TTC28: variants seen among roughly 807,000 people sequenced by gnomAD.
The protein encoded by TTC28 is tetratricopeptide repeat domain 28.
TTC28 carries 61 observed loss-of-function variants against 198.0 expected under a neutral mutation model. The observed-to-expected ratio is 0.31, with a 90% CI of 0.25 to 0.38. The LOEUF (loss-of-function observed/expected upper bound fraction) is 0.38, where lower values mean the gene tolerates loss of function less well. Among genes scored for constraint, TTC28 ranks in the 10% least tolerant of loss-of-function variants. The pLI is 1.00. For missense variants in TTC28, 2,678 were observed against 3,164.0 expected, an observed-to-expected ratio of 0.85 and a Z score of 3.69; for synonymous variants, 1,171 against 1,297.8, an observed-to-expected ratio of 0.90 and a Z score of 2.10.
chr22:28,088,263 T>C (rs1941689839), intron 12 of TTC28, among the ~76,000 whole-genome samples: 1 of 152,110 alleles, frequency 6.6e-6, no homozygotes, highest in African/African-American at 2.4e-5. Context: ...CTTCCAACTA[T>C]ACTACAAGGC....
chr22:28,340,612 C>T (rs192995762), intron 2 of TTC28, among the ~76,000 whole-genome samples: 1 of 152,206 alleles, frequency 6.6e-6, no homozygotes, highest in East Asian at 1.9e-4. Context: ...CAGGCTATTT[C>T]TTTCCATGTG....
chr22:27,996,018 C>T lies in TTC28; in HGVS notation c.5244+117G>A, dbSNP rs548650712. ...CCGGTCAGTGCCATCCTGGACACGGCCCCAATCACGGTGTCCTCTCCAACT... is the reference window on the plus strand; with the variant it reads ...CCGGTCAGTGCCATCCTGGACACGGTCCCAATCACGGTGTCCTCTCCAACT... On this transcript the variant is annotated intron_variant, in intron 17 of 22. Coordinates refer to ENST00000397906, the MANE Select transcript of TTC28 (RefSeq NM_001145418.2). 75 of 1,418,036 alleles carry T rather than the reference C, an allele frequency of 5.3e-5. 3 individuals are homozygous for T. The South Asian group carries it at 9.9e-4, about 19-fold the overall frequency. 87.8% of individuals were successfully genotyped at this position (1,418,036 alleles called of 1,614,324 possible).
chr22:28,049,124 A>C (rs1010657558), intron 12 of TTC28, among the ~76,000 whole-genome samples: 13 of 152,190 alleles, frequency 8.5e-5, no homozygotes, highest in Non-Finnish European at 1.9e-4. Flanking sequence ...AAGGGCTAGC[A>C]TCAGGCCTTG....
intron 2 of TTC28, among the ~76,000 whole-genome samples, chr22:28,420,871 G>A (rs2047242570): frequency 1.3e-5 from 2 of 152,114 alleles, no homozygotes; most frequent in Admixed American, 1.3e-4. Context: ...AAAGTGCTGC[G>A]ATTACAGGTG....
In TTC28 at chr22:28,069,063, G is replaced by A. The variant is rs189744530; in HGVS notation, c.3932+25017C>T. Among the ~76,000 whole-genome samples the A allele has an allele frequency of 9.3e-4, 141 of 152,264 alleles. 1 individual carries two copies. The highest frequency in any genetic ancestry group is 3.2e-3 in the African/African-American group (134 of 41,554). ...AGACCAAAAGGAAGTTTCCAGAAGA[G>A]GAGGACAAAAGTCTACCAAAACCTC... On this transcript the variant is annotated intron_variant, in intron 12 of 22. Transcript: ENST00000397906.
chr22:28,376,364 T>C (rs1169066940), intron 2 of TTC28, among the ~76,000 whole-genome samples: 1 of 152,212 alleles, frequency 6.6e-6, no homozygotes, highest in Non-Finnish European at 1.5e-5. Context: ...GCTTTGTGTG[T>C]ATTATCTTAT....
chr22:28,319,280 T>C lies in TTC28; in HGVS notation c.382-12637A>G, dbSNP rs572717928. ...GCATGTTCTTTTCTGGAGACTCTTATTACTCACTAGCAATTGAAGCAACTG... is the reference window on the plus strand; with the variant it reads ...GCATGTTCTTTTCTGGAGACTCTTACTACTCACTAGCAATTGAAGCAACTG... On this transcript the variant is annotated intron_variant, in intron 2 of 22. Transcript: ENST00000397906. 7.4e-4 allele frequency among the ~76,000 whole-genome samples: 112 copies of C among 152,298 alleles called. 1 individual carries two copies. Among genetic ancestry groups the C allele is most frequent in the Admixed American group, 1.2e-3 (19 of 15,292 alleles).
At chr22:28,502,348 A>G (rs1390350418) in intron 2 of TTC28, among the ~76,000 whole-genome samples, 2 of 152,136 alleles carry the variant, frequency 1.3e-5, no homozygotes, top group Non-Finnish European at 2.9e-5. Context: ...AAGAAATTAT[A>G]AAAGAAAATG....
chr22:28,566,536 T>C (rs1022445280), intron 2 of TTC28, among the ~76,000 whole-genome samples: 1 of 152,206 alleles, frequency 6.6e-6, no homozygotes, highest in African/African-American at 2.4e-5. Flanking sequence ...ATATTTTCTT[T>C]GAACTTTGAA....
intron 5 of TTC28, among the ~76,000 whole-genome samples, chr22:28,235,524 C>T (rs1267051162): frequency 2.0e-5 from 3 of 151,986 alleles, no homozygotes; most frequent in South Asian, 4.2e-4. Context: ...GAAGACTAGC[C>T]CTGTCAGATA....
At chr22:28,545,489 G>A (rs2049521269) in intron 2 of TTC28, among the ~76,000 whole-genome samples, 1 of 152,138 alleles carries the variant, frequency 6.6e-6, no homozygotes, top group Non-Finnish European at 1.5e-5. Context: ...TGAGGCAGGA[G>A]GATCACTTGA....
chr22:28,513,424 T>A (rs2146400703), intron 2 of TTC28, among the ~76,000 whole-genome samples: 1 of 152,258 alleles, frequency 6.6e-6, no homozygotes, highest in Non-Finnish European at 1.5e-5. Context: ...AAAGCAGTAT[T>A]TCCTTTACAA....
chr22:28,545,775 T>C (rs1468159926), intron 2 of TTC28, among the ~76,000 whole-genome samples: 11 of 152,042 alleles, frequency 7.2e-5, no homozygotes, highest in Admixed American at 6.5e-4. Flanking sequence ...TCTAACGTAA[T>C]ACATGCAAGA....
intron 1 of TTC28, among the ~76,000 whole-genome samples, chr22:28,663,232 A>C (rs976660301): frequency 4.0e-5 from 6 of 150,078 alleles, no homozygotes; most frequent in Admixed American, 6.7e-5. Context: ...TGGGAGACAG[A>C]GCGAAACTCC....
intron 2 of TTC28, among the ~76,000 whole-genome samples, chr22:28,420,184 C>T (rs555457238): frequency 1.3e-5 from 2 of 152,084 alleles, no homozygotes; most frequent in Non-Finnish European, 2.9e-5. Flanking sequence ...GGCTGGATGA[C>T]TAAATGTTCA....
chr22:28,214,656 A>T (rs1157529467), intron 5 of TTC28, among the ~76,000 whole-genome samples: 1 of 152,226 alleles, frequency 6.6e-6, no homozygotes, highest in African/African-American at 2.4e-5. Context: ...GGATGTGGAG[A>T]AATAGGAACA....
chr22:28,490,263 G>C (rs886892148), intron 2 of TTC28, among the ~76,000 whole-genome samples: 3 of 152,068 alleles, frequency 2.0e-5, no homozygotes, highest in Admixed American at 1.3e-4. Flanking sequence ...ATCATACTAG[G>C]TTACACCAAA....
intron 16 of TTC28, 61 bp from the exon 17 acceptor site, chr22:27,996,320 G>C: frequency 6.6e-7 from 1 of 1,526,044 alleles, no homozygotes; most frequent in Non-Finnish European, 8.8e-7. Context: ...CCCCACCCCG[G>C]CTTCCAGGGC....
At chr22:28,000,463 G>A (rs1937642317) in intron 15 of TTC28, 1 of 152,386 alleles carries the variant, frequency 6.6e-6, no homozygotes, top group African/African-American at 2.4e-5. Flanking sequence ...CCTGCTGTGG[G>A]GTATTAGGGC....
Sources: allele counts gnomAD v4.1 joint callset (sites outside exome capture counted in the v4.1 genomes callset), GRCh38; gene constraint gnomAD v4.1.1; transcripts MANE v1.5; gene names NCBI Gene and HGNC (gene_info 2026-07-23, HGNC 2026-07-21).